TLE3: variants seen among roughly 807,000 people sequenced by gnomAD.
TLE3 encodes the protein TLE family member 3, transcriptional corepressor.
A neutral mutation model predicts 93.0 loss-of-function variants in TLE3; 14 were observed. That is an observed-to-expected ratio of 0.15 (90% CI 0.10 to 0.24). The LOEUF is 0.24. TLE3 is among the 10% of genes least tolerant of loss of function. TLE3 has a pLI of 1.00. For missense variants in TLE3, 693 were observed against 1,046.6 expected, an observed-to-expected ratio of 0.66 and a Z score of 4.66; for synonymous variants, 451 against 425.0, an observed-to-expected ratio of 1.06 and a Z score of -0.75.
At chr15:70,076,395 A>G (rs1049006864) in intron 4 of TLE3, among the ~76,000 whole-genome samples, 34 of 152,344 alleles carry the variant, frequency 2.2e-4, no homozygotes, top group African/African-American at 7.5e-4. Flanking sequence ...TCCAATTTCC[A>G]TCAGAGGTAG....
intron 4 of TLE3, among the ~76,000 whole-genome samples, chr15:70,090,818 A>C (rs1021140847): frequency 4.6e-5 from 7 of 152,244 alleles, no homozygotes; most frequent in Non-Finnish European, 8.8e-5. Context: ...TGGCAATTCA[A>C]AACAGGACTG....
chr15:70,058,342 T>C lies in TLE3; in HGVS notation c.919-51A>G, dbSNP rs2056227660. ...GGAGGCCATGAGGCTTCCATTCTCCTAGGAGCCGGGCACAACTGGTGCCGG... is the reference window on the plus strand; with the variant it reads ...GGAGGCCATGAGGCTTCCATTCTCCCAGGAGCCGGGCACAACTGGTGCCGG... On this transcript the variant is annotated intron_variant, in intron 11 of 19. Coordinates refer to ENST00000451782, the MANE Select transcript of TLE3 (RefSeq NM_001105192.3). The surrounding 1 kb of genome is among the most constrained non-coding windows in gnomAD (Gnocchi z 4.1). 1.3e-6 allele frequency: 2 copies of C among 1,547,490 alleles called. No homozygotes were observed. The highest frequency in any genetic ancestry group is 1.8e-4 in the Middle Eastern group (1 of 5,700).
Position 70,097,235 on chromosome 15 carries a change from G to C in TLE3, c.-437C>G, listed in dbSNP as rs967084619. The C allele has an allele frequency of 1.0e-5, 4 of 401,664 alleles. No individual in the cohort carries two copies. The highest frequency in any genetic ancestry group is 1.7e-5 in the Non-Finnish European group (4 of 229,160). 24.9% of individuals were successfully genotyped at this position (401,664 alleles called of 1,614,324 possible). ...GTCACTCAGCGGGTCGCGCCTGTAG[G>C]GGGGCGCGCCGGGGCAGCCCCAAGC... On this transcript the variant is annotated 5_prime_UTR_variant, in exon 1 of 20. Coordinates refer to ENST00000451782, the MANE Select transcript of TLE3 (RefSeq NM_001105192.3).
In TLE3 at chr15:70,096,790, C is replaced by A. The variant is rs778974433; in HGVS notation, c.9G>T (p.Pro3=). The part of the protein sequence containing the change: MY[P]QGRHPAPHQP... The stretch of plus-strand genomic sequence containing the variant: ...AATTACTCACCGGATGTCTGCCCTG[C>A]GGATACATGGCAGGGAGGGGTCGTG... Residue 3 remains proline, a synonymous_variant, in exon 1 of 20, where the codon CCG becomes CCT. Transcript: ENST00000451782. The A allele has an allele frequency of 3.2e-4, 516 of 1,612,244 alleles. 4 individuals are homozygous for A. Among genetic ancestry groups the A allele is most frequent in the Non-Finnish European group, 3.0e-4 (353 of 1,179,122 alleles).
At chr15:70,068,462 A>C (rs1164106440) in intron 6 of TLE3, among the ~76,000 whole-genome samples, 1 of 152,222 alleles carries the variant, frequency 6.6e-6, no homozygotes, top group Non-Finnish European at 1.5e-5. Flanking sequence ...TTGTTTAGAC[A>C]AATTGTTGGT....
chr15:70,055,992 C>A, intron 14 of TLE3: 1 of 482,478 alleles, frequency 2.1e-6, no homozygotes, highest in Non-Finnish European at 3.8e-6. Context: ...GCAAGGCCCA[C>A]CACAGCTCCA....
chr15:70,054,257 C>T, intron 16 of TLE3, 181 bp downstream of exon 16: 1 of 832,722 alleles, frequency 1.2e-6, no homozygotes. Context: ...ATGGCCCTCC[C>T]TCCTCTGTCC....
intron 3 of TLE3, chr15:70,094,923 C>A (rs577182470): frequency 8.3e-4 from 199 of 238,424 alleles, no homozygotes; most frequent in African/African-American, 4.4e-3. Context: ...TTATTTAGCA[C>A]TGTGTCGAAG....
chr15:70,056,129 G>A (rs3817045), intron 14 of TLE3, 169 bp downstream of exon 14: 175,582 of 730,600 alleles, frequency 0.24, 22,152 homozygotes, highest in East Asian at 0.33. Flanking sequence ...ACAGTTTCCT[G>A]GGGTTGCAAC....
chr15:70,050,255 G>GA (rs2055397598), intron 19 of TLE3, 51 bp from the exon 20 acceptor site: 1 of 1,402,734 alleles, frequency 7.1e-7, no homozygotes, highest in Non-Finnish European at 1.0e-6. Flanking sequence ...GGTGCAGGGA[G>GA]AAAAAAGACA....
Position 70,094,538 on chromosome 15 carries a change from G to A in TLE3, c.228C>T (p.His76=). 6.4e-7 allele frequency: 1 copy of A among 1,553,520 alleles called. No homozygotes were observed. The highest frequency in any genetic ancestry group is 8.7e-7 in the Non-Finnish European group (1 of 1,149,650). The change falls in exon 4 of 20, where the codon CAC becomes CAT. Residue 76 remains histidine, a synonymous_variant. Coordinates refer to ENST00000451782, the MANE Select transcript of TLE3 (RefSeq NM_001105192.3). ...AAAAGAGAAAAGCACTTACCTGCTT[G>A]TGCATTTCAATGTTCAAGCCATAGG... ...EMSYGLNIEM[H]KQTEIAKRLN... is the part of the protein sequence containing the mutation.
At chr15:70,065,106 CA>C (rs1291154965) in intron 7 of TLE3, among the ~76,000 whole-genome samples, 1 of 152,098 alleles carries the variant, frequency 6.6e-6, no homozygotes, top group Non-Finnish European at 1.5e-5. Flanking sequence ...TACTGTAAGA[CA>C]AAAAAATGTA....
chr15:70,095,140 G>C (rs1260165375), intron 3 of TLE3, among the ~76,000 whole-genome samples: 1 of 152,180 alleles, frequency 6.6e-6, no homozygotes, highest in Non-Finnish European at 1.5e-5. Context: ...GAGGGCTTCT[G>C]TCCTACTCTG....
intron 13 of TLE3, among the ~76,000 whole-genome samples, chr15:70,056,688 C>A (rs902222686): frequency 1.3e-5 from 2 of 152,308 alleles, no homozygotes; most frequent in East Asian, 3.9e-4. Context: ...AGGAGGCCAC[C>A]CCAGGTCCAG....
chr15:70,094,812 T>C, intron 3 of TLE3: 1 of 512,770 alleles, frequency 2.0e-6, no homozygotes, highest in Non-Finnish European at 3.5e-6. Context: ...AGCTGGGCCT[T>C]CCCTCCCACA....
In TLE3 at chr15:70,058,141, G is replaced by C; in HGVS notation, c.1051+18C>G. The C allele has an allele frequency of 3.7e-6, 6 of 1,613,912 alleles. 1 individual carries two copies. The highest frequency in any genetic ancestry group is 5.1e-6 in the Non-Finnish European group (6 of 1,179,850). ...CCCCAATCAGATTAACCCAGCCCAT[G>C]GTGCCTACCCATTATACCTATCGGG... On this transcript the variant is annotated intron_variant, in intron 12 of 19. Coordinates refer to ENST00000451782, the MANE Select transcript of TLE3 (RefSeq NM_001105192.3). The surrounding 1 kb of genome is among the most constrained non-coding windows in gnomAD (Gnocchi z 4.1).
rs776248356 is a variant in TLE3, at chr15:70,054,574, G to A, written c.1690C>T (p.Arg564Cys). The A allele has an allele frequency of 3.7e-6, 6 of 1,613,842 alleles. No individual in the cohort carries two copies. The highest frequency in any genetic ancestry group is 1.3e-5 in the African/African-American group (1 of 75,068). The change falls in exon 16 of 20, where the codon CGC becomes TGC. Residue 564 changes from arginine to cysteine, a missense_variant. Arg to Cys is a radical substitution (Grantham distance 180, BLOSUM62 -3). Around this residue, in one of 4 missense-constraint regions of TLE3, gnomAD observed 153 missense variants for 379.9 expected, o/e 0.40. Transcript: ENST00000451782. The stretch of plus-strand genomic sequence containing the variant: ...GAGGACGTCAGCTCGGCCTTGATGC[G>A]GGGCGTGGGCGAGGCCAGGTCCCAG... ...TIWDLASPTP[R>C]IKAELTSSAP...
At chr15:70,050,377 G>T in intron 19 of TLE3, 173 bp from the exon 20 acceptor site, 1 of 425,538 alleles carries the variant, frequency 2.3e-6, no homozygotes, top group East Asian at 3.5e-5. Flanking sequence ...AGAGGAGGTG[G>T]GGGAGGCTTT....
chr15:70,065,973 A>ACCCCTTCCCCCCCCCCCC, intron 7 of TLE3, 41 bp downstream of exon 7: 1 of 806,250 alleles, frequency 1.2e-6, no homozygotes, highest in Admixed American at 1.9e-5. Context: ...GCCCATGCCC[A>ACCCCTTCCCCCCCCCCCC]CCCCTGCCCC....
Sources: allele counts gnomAD v4.1 joint callset (sites outside exome capture counted in the v4.1 genomes callset), GRCh38; gene constraint gnomAD v4.1.1; regional missense constraint gnomAD v4.1.1; non-coding constraint Gnocchi (gnomAD v3.1); transcripts MANE v1.5; gene names NCBI Gene and HGNC (gene_info 2026-07-23, HGNC 2026-07-21).